Variants in ATP11C observed in about 807,000 individuals in gnomAD.
ATP11C encodes the protein phospholipid-transporting ATPase IG.
A neutral mutation model predicts 97.4 loss-of-function variants in ATP11C; 36 were observed. The ratio of observed to expected loss-of-function variants is 0.37; its 90% CI spans 0.28 to 0.49. ATP11C has a LOEUF of 0.49. Among genes scored for constraint, ATP11C ranks in the 20% least tolerant of loss-of-function variants. The pLI, the probability that ATP11C is intolerant of heterozygous loss-of-function variation, is 0.98. For synonymous variants in ATP11C, 275 were observed against 290.9 expected (o/e 0.95, Z 0.56); for missense variants, 730 against 824.6 (o/e 0.89, Z 1.40).
chrX:139,779,054 T>C (rs1456476977), intron 18 of ATP11C, among the ~76,000 whole-genome samples: 2 of 111,540 alleles, frequency 1.8e-5, no homozygotes, highest in Non-Finnish European at 3.8e-5. Flanking sequence ...CCTAAATATA[T>C]ACAGACCCAA....
chrX:139,931,487 T>G (rs2085432536), intron 1 of ATP11C, among the ~76,000 whole-genome samples: 1 of 112,050 alleles, frequency 8.9e-6, no homozygotes, highest in Non-Finnish European at 1.9e-5. Context: ...TCTCCAAAGT[T>G]TGCCCGGCCT....
chrX:139,832,131 A>G (rs1284053596), intron 1 of ATP11C: 1 of 1,203,886 alleles, frequency 8.3e-7, no homozygotes, highest in African/African-American at 1.7e-5. Flanking sequence ...TGAAAAGAGG[A>G]GAAATAAATA....
chrX:139,874,209 ATTTTTTTTTTT>A (rs140962708), intron 1 of ATP11C, among the ~76,000 whole-genome samples: 1 of 82,016 alleles, frequency 1.2e-5, no homozygotes, highest in African/African-American at 5.4e-5. Context: ...TGCCTGGCTA[ATTTTTTTTTTT>A]TTTTTTTTTT....
chrX:139,895,797 G>T (rs2148084770), intron 1 of ATP11C, among the ~76,000 whole-genome samples: 1 of 111,309 alleles, frequency 9.0e-6, no homozygotes, highest in African/African-American at 3.3e-5. Context: ...AATCAAACTA[G>T]AATCCAAAAC....
chrX:139,772,165 T>C (rs1000987037), intron 19 of ATP11C, among the ~76,000 whole-genome samples: 2 of 112,519 alleles, frequency 1.8e-5, no homozygotes, highest in African/African-American at 6.5e-5. Flanking sequence ...ACGTAGAGCT[T>C]AGGCCATGGC....
At chrX:139,813,646 A>G (rs1243108590) in intron 5 of ATP11C, among the ~76,000 whole-genome samples, 2 of 111,610 alleles carry the variant, frequency 1.8e-5, no homozygotes, top group Non-Finnish European at 3.8e-5. Flanking sequence ...GCATATTACT[A>G]AGTGAAAGAA....
chrX:139,905,870 T>TC (rs1027181424), intron 1 of ATP11C, among the ~76,000 whole-genome samples: 2 of 111,490 alleles, frequency 1.8e-5, no homozygotes, highest in African/African-American at 6.5e-5. Context: ...TGAAAATACT[T>TC]CCACTCTTTC....
upstream of ATP11C, among the ~76,000 whole-genome samples, chrX:139,933,914 G>A (rs1190143390): frequency 8.9e-6 from 1 of 112,489 alleles, no homozygotes; most frequent in Non-Finnish European, 1.9e-5. Flanking sequence ...ACAAACAAGC[G>A]AAAATGCCAC....
intron 1 of ATP11C, among the ~76,000 whole-genome samples, chrX:139,931,583 T>A (rs1490134875): frequency 8.9e-6 from 1 of 112,248 alleles, no homozygotes; most frequent in Non-Finnish European, 1.9e-5. Flanking sequence ...CAGCTCTTCT[T>A]TTGGGCCACC....
intron 1 of ATP11C, among the ~76,000 whole-genome samples, chrX:139,922,569 A>C (rs1179975643): frequency 9.3e-6 from 1 of 108,050 alleles, no homozygotes; most frequent in African/African-American, 3.4e-5. Context: ...CAGGCCATGA[A>C]GGTGGAGCCC....
chrX:139,774,539 T>C (rs1285973516), intron 19 of ATP11C, 151 bp downstream of exon 19: 1 of 477,601 alleles, frequency 2.1e-6, no homozygotes, highest in Non-Finnish European at 3.3e-6. Context: ...TGGGCCATTA[T>C]TCAAGTCCTC....
intron 1 of ATP11C, among the ~76,000 whole-genome samples, chrX:139,926,164 A>C (rs1410241959): frequency 9.0e-6 from 1 of 111,131 alleles, no homozygotes. Flanking sequence ...GAGAGCCAGC[A>C]CCTAATTCAT....
intron 1 of ATP11C, among the ~76,000 whole-genome samples, chrX:139,876,351 C>A (rs1011817348): frequency 2.7e-5 from 3 of 112,173 alleles, no homozygotes; most frequent in Non-Finnish European, 3.8e-5. Flanking sequence ...CTCCCAGCCA[C>A]ACAGATGTTT....
At chrX:139,887,659 T>C (rs2084664451) in intron 1 of ATP11C, among the ~76,000 whole-genome samples, 1 of 108,665 alleles carries the variant, frequency 9.2e-6, no homozygotes, top group Non-Finnish European at 1.9e-5. Context: ...AAATGGAACT[T>C]CAATCAAAAC....
chrX:139,915,977 T>C (rs1235899905), intron 1 of ATP11C, among the ~76,000 whole-genome samples: 1 of 111,484 alleles, frequency 9.0e-6, no homozygotes, highest in Non-Finnish European at 1.9e-5. Context: ...GTCTGTAATC[T>C]CAGCATTTTG....
intron 4 of ATP11C, among the ~76,000 whole-genome samples, chrX:139,816,083 T>C (rs1313222719): frequency 8.9e-6 from 1 of 111,898 alleles, no homozygotes; most frequent in Admixed American, 9.5e-5. Context: ...AATATTCTTA[T>C]AGTTCCTGGT....
At chrX:139,882,180 T>C (rs931604389) in intron 1 of ATP11C, among the ~76,000 whole-genome samples, 1 of 110,930 alleles carries the variant, frequency 9.0e-6, no homozygotes, top group Admixed American at 9.7e-5. Flanking sequence ...ATCAAATAAA[T>C]GTATTAAAAA....
intron 2 of ATP11C, among the ~76,000 whole-genome samples, chrX:139,825,457 A>G (rs780376122): frequency 1.1e-4 from 12 of 111,926 alleles, no homozygotes; most frequent in African/African-American, 2.0e-4. Flanking sequence ...ACTATTCACT[A>G]TTTTAGGCAT....
intron 7 of ATP11C, among the ~76,000 whole-genome samples, chrX:139,800,393 C>T (rs751171982): frequency 1.8e-5 from 2 of 112,310 alleles, no homozygotes; most frequent in Admixed American, 1.9e-4. Context: ...TGCATGCACA[C>T]AACACCTCTC....
Sources: allele counts gnomAD v4.1 joint callset (sites outside exome capture counted in the v4.1 genomes callset), GRCh38; gene constraint gnomAD v4.1.1; transcripts MANE v1.5; gene names NCBI Gene and HGNC (gene_info 2026-07-23, HGNC 2026-07-21).